Variants in VPS50 observed in about 807,000 individuals in gnomAD.
VPS50 encodes VPS50 subunit of EARP/GARPII complex, also known as syndetin.
In VPS50, 70 loss-of-function variants were observed where a neutral mutation model predicts 139.7. That is an observed-to-expected ratio of 0.50 (90% CI 0.41 to 0.61). The LOEUF is 0.61. VPS50 is among the 20% of genes least tolerant of loss of function. The pLI is 0.00. For synonymous variants in VPS50, 365 were observed against 376.7 expected, an observed-to-expected ratio of 0.97 and a Z score of 0.36; for missense variants, 921 against 1,133.7, an observed-to-expected ratio of 0.81 and a Z score of 2.69.
In VPS50 at chr7:93,256,237, C is replaced by T. The variant is rs564033260; in HGVS notation, c.298-272C>T. ...ACTTTTTGGTTAATGTTACTTAAAT[C>T]AGATAATGATACACATATTATTAAC... On this transcript the variant is annotated intron_variant, in intron 4 of 27. Transcript: ENST00000305866. Among the ~76,000 whole-genome samples the T allele has an allele frequency of 5.3e-5, 8 of 152,270 alleles. No individual in the cohort carries two copies. The South Asian group carries it at 1.7e-3, about 32-fold the overall frequency.
intron 9 of VPS50, among the ~76,000 whole-genome samples, chr7:93,269,470 CTTCAG>C (rs1795941068): frequency 6.6e-6 from 1 of 152,100 alleles, no homozygotes; most frequent in Non-Finnish European, 1.5e-5. Context: ...CAGTCCTCAA[CTTCAG>C]TTCAAAGTAT....
chr7:93,278,726 C>G (rs1796236183), intron 12 of VPS50, among the ~76,000 whole-genome samples: 1 of 151,276 alleles, frequency 6.6e-6, no homozygotes, highest in Non-Finnish European at 1.5e-5. Context: ...AAAATTATCC[C>G]CAAGAAACTT....
intron 24 of VPS50, among the ~76,000 whole-genome samples, chr7:93,349,443 T>G (rs1466254199): frequency 2.0e-5 from 3 of 152,102 alleles, no homozygotes; most frequent in African/African-American, 7.2e-5. Context: ...TGGTTGGGTT[T>G]GTGTTTTAGT....
At chr7:93,281,894 C>G (rs990351695) in intron 12 of VPS50, among the ~76,000 whole-genome samples, 3 of 152,024 alleles carry the variant, frequency 2.0e-5, no homozygotes, top group African/African-American at 7.2e-5. Flanking sequence ...AACTTTTTTG[C>G]CACTTGCTAC....
At chr7:93,328,488 C>T (rs1435933276) in intron 21 of VPS50, among the ~76,000 whole-genome samples, 2 of 152,102 alleles carry the variant, frequency 1.3e-5, no homozygotes, top group Non-Finnish European at 2.9e-5. Context: ...ACAGACTAAA[C>T]CCTTTCTAGA....
chr7:93,342,726 A>G (rs1798258927), intron 23 of VPS50, among the ~76,000 whole-genome samples: 1 of 152,224 alleles, frequency 6.6e-6, no homozygotes, highest in Admixed American at 6.5e-5. Flanking sequence ...GGGCACACTG[A>G]CACCTCACAC....
intron 9 of VPS50, among the ~76,000 whole-genome samples, chr7:93,266,459 C>T (rs897730180): frequency 6.6e-6 from 1 of 152,134 alleles, no homozygotes; most frequent in African/African-American, 2.4e-5. Flanking sequence ...TGTTCAAAAT[C>T]TTTATTTCTA....
In VPS50 at chr7:93,336,490, T is replaced by C. The variant is rs183305906; in HGVS notation, c.2058+2293T>C. On this transcript the variant is annotated intron_variant, in intron 22 of 27. Transcript: ENST00000305866. ...CCATTTGGTTATGCTAACTAAATTG[T>C]TTGCTTTAAGACCTTTAGCCAACTT... Among the ~76,000 whole-genome samples the C allele has an allele frequency of 1.4e-4, 21 of 152,318 alleles. No individual in the cohort carries two copies. The East Asian group carries it at 4.0e-3, about 29-fold the overall frequency.
intron 12 of VPS50, among the ~76,000 whole-genome samples, chr7:93,284,652 G>A (rs995536530): frequency 6.6e-6 from 1 of 152,178 alleles, no homozygotes; most frequent in Non-Finnish European, 1.5e-5. Context: ...TGAGTTGCAA[G>A]GAAAGTTTTG....
At chr7:93,250,925 A>G (rs936440026) in intron 2 of VPS50, among the ~76,000 whole-genome samples, 3 of 152,238 alleles carry the variant, frequency 2.0e-5, no homozygotes, top group Admixed American at 2.0e-4. Context: ...AACATATGAA[A>G]AAAAGCTCAT....
At chr7:93,327,112 C>G (rs1003430118) in intron 21 of VPS50, among the ~76,000 whole-genome samples, 3 of 152,242 alleles carry the variant, frequency 2.0e-5, no homozygotes, top group South Asian at 2.1e-4. Context: ...CTTACTTTGT[C>G]TTTTGGGCCA....
chr7:93,258,528 C>A (rs773550941), intron 8 of VPS50, 136 bp downstream of exon 8: 3 of 666,900 alleles, frequency 4.5e-6, no homozygotes, highest in Non-Finnish European at 7.7e-6. Context: ...GATTTTTAGA[C>A]GTCAAAGATT....
chr7:93,249,892 T>G (rs1795268870), intron 2 of VPS50, among the ~76,000 whole-genome samples: 1 of 152,164 alleles, frequency 6.6e-6, no homozygotes, highest in Admixed American at 6.6e-5. Flanking sequence ...TAACCTTCCC[T>G]TCCACACGTG....
At chr7:93,314,366 A>G (rs926946123) in intron 20 of VPS50, among the ~76,000 whole-genome samples, 2 of 152,218 alleles carry the variant, frequency 1.3e-5, no homozygotes, top group Non-Finnish European at 2.9e-5. Context: ...TCCTTACCCC[A>G]GGTGGTAACT....
At chr7:93,254,646 G>A (rs1420556882) in intron 4 of VPS50, among the ~76,000 whole-genome samples, 5 of 152,110 alleles carry the variant, frequency 3.3e-5, no homozygotes, top group Admixed American at 1.3e-4. Flanking sequence ...TTATGATGTT[G>A]AGTAAATCAT....
intron 1 of VPS50, among the ~76,000 whole-genome samples, chr7:93,235,735 G>A (rs1794778931): frequency 6.6e-6 from 1 of 152,178 alleles, no homozygotes; most frequent in Non-Finnish European, 1.5e-5. Flanking sequence ...GAAGGGACAT[G>A]GTTTTTGGAC....
intron 3 of VPS50, 42 bp from the exon 4 acceptor site, chr7:93,253,818 C>A: frequency 2.6e-6 from 3 of 1,152,104 alleles, no homozygotes; most frequent in Admixed American, 1.8e-5. Flanking sequence ...CCAAATTAAA[C>A]AATTTATTTT....
At chr7:93,269,538 G>A (rs1795943216) in intron 9 of VPS50, among the ~76,000 whole-genome samples, 1 of 151,984 alleles carries the variant, frequency 6.6e-6, no homozygotes, top group Non-Finnish European at 1.5e-5. Flanking sequence ...TAGATGTTTG[G>A]ACATTTATCA....
At chr7:93,302,294 C>T (rs1008822612) in intron 16 of VPS50, among the ~76,000 whole-genome samples, 16 of 150,962 alleles carry the variant, frequency 1.1e-4, no homozygotes, top group Non-Finnish European at 2.4e-4. Flanking sequence ...CAATTGCCTG[C>T]ATAATAAATG....
Sources: gnomAD v4.1 joint callset for allele counts (sites outside exome capture counted in the v4.1 genomes callset) on GRCh38, gnomAD v4.1.1 for gene constraint, MANE v1.5 for transcripts, NCBI Gene and HGNC (gene_info 2026-07-23, HGNC 2026-07-21) for gene names.